GALK2: variants seen among roughly 807,000 people sequenced by gnomAD.
GALK2 encodes the protein N-acetylgalactosamine kinase.
In GALK2, 36 loss-of-function variants were observed where a neutral mutation model predicts 52.4. That is an observed-to-expected ratio of 0.69 (90% CI 0.53 to 0.91). The LOEUF is 0.91. Among genes scored for constraint, GALK2 ranks in the 40% least tolerant of loss-of-function variants. GALK2 has a pLI of 0.00. For missense variants in GALK2, 579 were observed against 559.1 expected (o/e 1.04, Z -0.36); for synonymous variants, 176 against 199.1 (o/e 0.88, Z 0.98).
intron 5 of GALK2, among the ~76,000 whole-genome samples, chr15:49,266,327 G>T (rs925393596): frequency 6.6e-6 from 1 of 152,118 alleles, no homozygotes; most frequent in African/African-American, 2.4e-5. Flanking sequence ...TGGAGAAACA[G>T]ATTTCATCTT....
intron 3 of GALK2, among the ~76,000 whole-genome samples, chr15:49,339,653 T>C (rs1158442706): frequency 6.6e-6 from 1 of 152,212 alleles, no homozygotes; most frequent in African/African-American, 2.4e-5. Context: ...TCTAACGCTG[T>C]GCTGGGAGAT....
chr15:49,347,637 GTTA>G (rs1268169708), intron 3 of GALK2, among the ~76,000 whole-genome samples: 5 of 152,150 alleles, frequency 3.3e-5, no homozygotes, highest in Admixed American at 2.6e-4. Context: ...GAGAAGCTTA[GTTA>G]TTATCATAAA....
chr15:49,171,667 G>T (rs1292992752), intron 1 of GALK2, among the ~76,000 whole-genome samples: 3 of 151,998 alleles, frequency 2.0e-5, no homozygotes, highest in African/African-American at 4.8e-5. Flanking sequence ...TAGCACTGTT[G>T]CCCTTATATA....
intron 3 of GALK2, among the ~76,000 whole-genome samples, chr15:49,233,558 TTC>T (rs1332318059): frequency 3.9e-5 from 6 of 152,234 alleles, no homozygotes; most frequent in Non-Finnish European, 7.3e-5. Context: ...CAAAATCTCT[TTC>T]TGTTTTTCTT....
At chr15:49,195,065 A>AT (rs1179744045) in intron 1 of GALK2, 1 of 450,046 alleles carries the variant, frequency 2.2e-6, no homozygotes, top group Non-Finnish European at 4.5e-6. Flanking sequence ...TTCATTTCTT[A>AT]TTTTTTTATT....
intron 5 of GALK2, among the ~76,000 whole-genome samples, chr15:49,245,310 A>G (rs1316172713): frequency 6.6e-6 from 1 of 152,160 alleles, no homozygotes; most frequent in Non-Finnish European, 1.5e-5. Flanking sequence ...TACACATTGC[A>G]TTGGGGATAG....
intron 9 of GALK2, among the ~76,000 whole-genome samples, chr15:49,320,985 T>A (rs1313107309): frequency 1.3e-5 from 2 of 152,208 alleles, no homozygotes; most frequent in Non-Finnish European, 2.9e-5. Context: ...CCTGGAATTC[T>A]CTAATAAACT....
chr15:49,274,690 A>C (rs910928519), intron 5 of GALK2, among the ~76,000 whole-genome samples: 8 of 152,192 alleles, frequency 5.3e-5, no homozygotes, highest in African/African-American at 1.9e-4. Flanking sequence ...ACACAAACAC[A>C]TTGTATAGCT....
intron 5 of GALK2, among the ~76,000 whole-genome samples, chr15:49,276,922 T>C (rs12899621): frequency 9.1e-6 from 1 of 109,476 alleles, no homozygotes; most frequent in Admixed American, 8.6e-5. Flanking sequence ...TTTTTTTTTT[T>C]GGTTTTTGTT....
chr15:49,300,376 T>G (rs1454312903), intron 8 of GALK2, among the ~76,000 whole-genome samples: 1 of 152,082 alleles, frequency 6.6e-6, no homozygotes, highest in African/African-American at 2.4e-5. Context: ...AGTTGATTCT[T>G]GCTTCTTTAT....
chr15:49,329,808 A>C lies in GALK2; in HGVS notation c.*1649A>C, dbSNP rs1196378864. On this transcript the variant is annotated 3_prime_UTR_variant, in exon 10 of 10. Coordinates refer to ENST00000560031, the MANE Select transcript of GALK2 (RefSeq NM_002044.4). ...CTTTAAAGATACCTGGATCAGTGTA[A>C]AAAAAAAAAAAAAAAGGCACCTGTC... 62 of 362,492 alleles carry C rather than the reference A, an allele frequency of 1.7e-4. No homozygotes were observed. Among genetic ancestry groups the C allele is most frequent in the Non-Finnish European group, 2.1e-4 (59 of 276,384 alleles). 22.5% of individuals were successfully genotyped at this position (362,492 alleles called of 1,614,324 possible).
At chr15:49,232,171 G>A (rs1047914354) in intron 3 of GALK2, among the ~76,000 whole-genome samples, 22 of 152,206 alleles carry the variant, frequency 1.4e-4, no homozygotes, top group African/African-American at 4.1e-4. Context: ...AGAGGCTCCC[G>A]AAGCCTTAAC....
intron 3 of GALK2, among the ~76,000 whole-genome samples, chr15:49,349,001 T>C (rs2041901290): frequency 6.6e-6 from 1 of 152,172 alleles, no homozygotes; most frequent in African/African-American, 2.4e-5. Context: ...AAAGCCCAAA[T>C]TGTGCTTTAA....
At chr15:49,346,052 T>C (rs935044147) in intron 3 of GALK2, among the ~76,000 whole-genome samples, 6 of 27,328 alleles carry the variant, frequency 2.2e-4, no homozygotes, top group Admixed American at 5.4e-4. Flanking sequence ...GCTTTTGTTA[T>C]TTTTTTTTTT....
At chr15:49,332,641 G>T (rs541728202), downstream of GALK2, among the ~76,000 whole-genome samples, 5 of 152,232 alleles carry the variant, frequency 3.3e-5, no homozygotes, top group South Asian at 1.0e-3. Flanking sequence ...CGGAATAAAG[G>T]ATATATAAGA....
intron 1 of GALK2, among the ~76,000 whole-genome samples, chr15:49,175,880 C>T (rs2085410736): frequency 1.3e-5 from 2 of 152,108 alleles, no homozygotes; most frequent in South Asian, 4.1e-4. Context: ...TATGCATCCC[C>T]CAGTCAAGTA....
At chr15:49,346,113 C>T (rs1317483672) in intron 3 of GALK2, among the ~76,000 whole-genome samples, 1 of 151,196 alleles carries the variant, frequency 6.6e-6, no homozygotes, top group Non-Finnish European at 1.5e-5. Context: ...CGAAACTTAA[C>T]CTTTACTGGC....
At chr15:49,163,275 A>T (rs1344134496) in intron 1 of GALK2, among the ~76,000 whole-genome samples, 1 of 152,166 alleles carries the variant, frequency 6.6e-6, no homozygotes, top group Non-Finnish European at 1.5e-5. Context: ...TTTGTCATCT[A>T]TGTATCTTCT....
At chr15:49,362,093 G>T (rs963551174) in intron 3 of GALK2, among the ~76,000 whole-genome samples, 3 of 152,026 alleles carry the variant, frequency 2.0e-5, no homozygotes, top group African/African-American at 4.8e-5. Context: ...TAATGGGTTT[G>T]TTTGCTGTGT....
Sources: gnomAD v4.1 joint callset for allele counts (sites outside exome capture counted in the v4.1 genomes callset) on GRCh38, gnomAD v4.1.1 for gene constraint, MANE v1.5 for transcripts, NCBI Gene and HGNC (gene_info 2026-07-23, HGNC 2026-07-21) for gene names.